The following BRWD1 variants were observed in gnomAD, a reference collection of about 807,000 sequenced individuals.
BRWD1 encodes the protein bromodomain and WD repeat-containing protein 1.
A neutral mutation model predicts 251.2 loss-of-function variants in BRWD1; 82 were observed. That is an observed-to-expected ratio of 0.33 (90% CI 0.27 to 0.39). The LOEUF (loss-of-function observed/expected upper bound fraction) is 0.39, where lower values mean the gene tolerates loss of function less well. BRWD1 is among the 10% of genes least tolerant of loss of function. The pLI is 1.00. For missense variants in BRWD1, 2,233 were observed against 2,711.6 expected (o/e 0.82, Z 3.92); for synonymous variants, 918 against 902.8 (o/e 1.02, Z -0.30).
chr21:39,221,068 T>C (rs1319290136), intron 29 of BRWD1, among the ~76,000 whole-genome samples: 1 of 147,836 alleles, frequency 6.8e-6, no homozygotes, highest in Non-Finnish European at 1.5e-5. Context: ...GGCAAGAGAA[T>C]CACTTGAACC....
At chr21:39,250,271 G>C (rs114262621) in intron 20 of BRWD1, among the ~76,000 whole-genome samples, 1 of 151,906 alleles carries the variant, frequency 6.6e-6, no homozygotes, top group Non-Finnish European at 1.5e-5. Context: ...AATGTAAATC[G>C]TCTCTGGGAA....
chr21:39,199,582 A>G lies in BRWD1; in HGVS notation c.4834T>C (p.Leu1612=), dbSNP rs151024351. ...GCTTTTAGAATTTCACCAGTCTCCA[A>G]TGAATTGTTATCAGAATCACTTAAA... ...VYLSDSDNNS[L]ETGEILKARA... The change falls in exon 40 of 41, where the codon TTG becomes CTG. Residue 1612 remains leucine (L), a synonymous_variant. Transcript: ENST00000342449. 14 of 1,614,012 alleles carry G rather than the reference A, an allele frequency of 8.7e-6. No homozygotes were observed. The highest frequency in any genetic ancestry group is 2.2e-5 in the East Asian group (1 of 44,900).
chr21:39,268,348 G>A (rs2034991944), intron 15 of BRWD1, among the ~76,000 whole-genome samples: 1 of 150,992 alleles, frequency 6.6e-6, no homozygotes, highest in Non-Finnish European at 1.5e-5. Flanking sequence ...GGCTGAGGCA[G>A]CAGAATCACT....
intron 13 of BRWD1, among the ~76,000 whole-genome samples, chr21:39,271,811 G>A (rs1221280650): frequency 6.6e-6 from 1 of 151,750 alleles, no homozygotes; most frequent in Non-Finnish European, 1.5e-5. Context: ...GGCCAAGGTG[G>A]GCGGATCACT....
Position 39,194,570 on chromosome 21 carries a change from G to T in BRWD1, c.*1689C>A. ...AGGAGGTTTCCCACCTATCTCAGTTGATAATGTCCAAAAACATCCTTCCCC... is the reference window on the plus strand; with the variant it reads ...AGGAGGTTTCCCACCTATCTCAGTTTATAATGTCCAAAAACATCCTTCCCC... On this transcript the variant is annotated 3_prime_UTR_variant, in exon 41 of 41. Transcript: ENST00000342449. 3 of 1,461,998 alleles carry T rather than the reference G, an allele frequency of 2.1e-6. No individual in the cohort carries two copies. Among genetic ancestry groups the T allele is most frequent in the Non-Finnish European group, 2.7e-6 (3 of 1,111,946 alleles). 90.6% of individuals were successfully genotyped at this position (1,461,998 alleles called of 1,614,324 possible).
At chr21:39,302,391 T>C (rs953319822) in intron 4 of BRWD1, among the ~76,000 whole-genome samples, 1 of 152,094 alleles carries the variant, frequency 6.6e-6, no homozygotes, top group Admixed American at 6.6e-5. Context: ...CCAGAAAAGA[T>C]GTATAGGTAG....
intron 4 of BRWD1, among the ~76,000 whole-genome samples, chr21:39,302,513 T>C (rs937610585): frequency 6.6e-6 from 1 of 152,108 alleles, no homozygotes; most frequent in Admixed American, 6.5e-5. Context: ...TCTCAGCACT[T>C]TGGAAAGCTG....
At chr21:39,207,473 CACACACACACAA>C (rs1272446583) in intron 36 of BRWD1, among the ~76,000 whole-genome samples, 2 of 150,658 alleles carry the variant, frequency 1.3e-5, no homozygotes, top group South Asian at 2.1e-4. Flanking sequence ...CACACACACA[CACACACACACAA>C]ACAAAACTCC....
chr21:39,245,886 G>A (rs1468991294), intron 21 of BRWD1, among the ~76,000 whole-genome samples: 1 of 152,094 alleles, frequency 6.6e-6, no homozygotes, highest in African/African-American at 2.4e-5. Flanking sequence ...ACAGGCATGA[G>A]CCACCGTGCC....
At chr21:39,206,652 G>C (rs756392313) in intron 36 of BRWD1, among the ~76,000 whole-genome samples, 1 of 152,278 alleles carries the variant, frequency 6.6e-6, no homozygotes, top group African/African-American at 2.4e-5. Context: ...CTACAAAAGC[G>C]CTGTCTTTCT....
At chr21:39,289,364 T>C (rs1001987748) in intron 8 of BRWD1, among the ~76,000 whole-genome samples, 8 of 152,262 alleles carry the variant, frequency 5.3e-5, no homozygotes, top group African/African-American at 1.9e-4. Context: ...CGCCTCCTGA[T>C]ACACACACTA....
At chr21:39,284,258 T>C (rs564943365) in intron 8 of BRWD1, among the ~76,000 whole-genome samples, 18 of 152,258 alleles carry the variant, frequency 1.2e-4, no homozygotes, top group Admixed American at 5.2e-4. Context: ...TGGAGGAGGA[T>C]TGCTTGAGGC....
Position 39,298,524 on chromosome 21 carries a change from C to A in BRWD1, c.257G>T (p.Gly86Val). 6.2e-7 allele frequency: 1 copy of A among 1,610,486 alleles called. No individual in the cohort carries two copies. The highest frequency in any genetic ancestry group is 8.5e-7 in the Non-Finnish European group (1 of 1,178,956). Residue 86 changes from glycine to valine, a missense_variant, in exon 5 of 41, where the codon GGT becomes GTT. Gly to Val is a moderately radical substitution (Grantham distance 109). Around this residue, in one of 12 missense-constraint regions of BRWD1, gnomAD observed 185 missense variants for 260.6 expected, o/e 0.71. Transcript: ENST00000342449. ...DHLLQICQRIGPMLDKEIPPS... is the reference protein window; with the variant it reads ...DHLLQICQRIVPMLDKEIPPS... The stretch of plus-strand genomic sequence containing the variant: ...TGGAATTTCTTTATCCAACATAGGA[C>A]CGATGCGCTGGCAGATTTGCAAAAG...
intron 8 of BRWD1, among the ~76,000 whole-genome samples, chr21:39,283,442 A>C (rs939101758): frequency 6.6e-6 from 1 of 152,118 alleles, no homozygotes; most frequent in Non-Finnish European, 1.5e-5. Flanking sequence ...CATATTTCAC[A>C]TTTCCTGTTA....
intron 10 of BRWD1, 25 bp downstream of exon 10, chr21:39,278,718 G>T (rs574253028): frequency 1.3e-6 from 2 of 1,531,788 alleles, no homozygotes; most frequent in African/African-American, 2.8e-5. Flanking sequence ...AAAAAACTAA[G>T]AAAAAAATGT....
chr21:39,295,671 T>G, intron 7 of BRWD1, 72 bp downstream of exon 7: 1 of 1,222,042 alleles, frequency 8.2e-7, no homozygotes, highest in Non-Finnish European at 1.1e-6. Context: ...GAAACTAAGA[T>G]TTCCTAGATG....
Position 39,190,113 on chromosome 21 carries a change from G to A in BRWD1, c.*6146C>T. On this transcript the variant is annotated 3_prime_UTR_variant, in exon 41 of 41. Transcript: ENST00000342449. The stretch of plus-strand genomic sequence containing the variant: ...ACTTTAAATTATAACTCACAGATAT[G>A]TGTGTATTCTAAGATGGTATATGTG... 1 of 984,998 alleles carries A rather than the reference G, an allele frequency of 1.0e-6. No individual in the cohort carries two copies. Among genetic ancestry groups the A allele is most frequent in the Non-Finnish European group, 1.2e-6 (1 of 829,584 alleles). 61.0% of individuals were successfully genotyped at this position (984,998 alleles called of 1,614,324 possible). A position where few individuals can be genotyped will look rare whatever the true frequency, so the allele number is the denominator to read the frequency against.
In BRWD1 at chr21:39,280,161, A is replaced by T. The variant is rs1161982043; in HGVS notation, c.919T>A (p.Ser307Thr). Residue 307 changes from serine to threonine, a missense_variant, in exon 9 of 41, where the codon TCC (serine) becomes ACC (threonine). By Grantham distance (58) the Ser-to-Thr change is moderately conservative (BLOSUM62 1). This residue lies in a region of BRWD1 where 315 missense variants were observed against 421.8 expected (regional missense o/e 0.75). Transcript: ENST00000342449. ...AAAGCCACTTACCTAAATTTTAAGG[A>T]TTCTAAATCCCATTGCCAAAAGCAA... is the stretch of plus-strand genomic sequence containing the variant. ...TVCFWQWDLE[S>T]LKFSPRPLKF... 2 of 1,600,670 alleles carry T rather than the reference A, an allele frequency of 1.2e-6. No individual in the cohort carries two copies. Among genetic ancestry groups the T allele is most frequent in the South Asian group, 1.1e-5 (1 of 87,652 alleles).
rs1335144225 is a variant in BRWD1, at chr21:39,187,527, C to T, written c.*8732G>A. ...ATTCGGAAACAATAAATTTAAAAGTCATATTGCTAAATGATAAATTTTAAA... is the reference window on the plus strand; with the variant it reads ...ATTCGGAAACAATAAATTTAAAAGTTATATTGCTAAATGATAAATTTTAAA... On this transcript the variant is annotated 3_prime_UTR_variant, in exon 41 of 41. Transcript: ENST00000342449. 1 of 1,410,298 alleles carries T rather than the reference C, an allele frequency of 7.1e-7. No homozygotes were observed. The highest frequency in any genetic ancestry group is 1.5e-5 in the African/African-American group (1 of 68,694). The allele number at this position is 1,410,298 out of a possible 1,614,324, so 87.4% of individuals were successfully genotyped here.
Sources: gnomAD v4.1 joint callset for allele counts (sites outside exome capture counted in the v4.1 genomes callset) on GRCh38, gnomAD v4.1.1 for gene constraint, gnomAD v4.1.1 regional missense constraint, MANE v1.5 for transcripts, NCBI Gene and HGNC (gene_info 2026-07-23, HGNC 2026-07-21) for gene names.